MDN1: variants seen among roughly 807,000 people sequenced by gnomAD.
MDN1 encodes midasin.
Under a neutral mutation model 669.2 loss-of-function variants are expected in MDN1, and 266 were observed. The observed-to-expected ratio is 0.40, with a 90% CI of 0.36 to 0.44. MDN1 has a LOEUF of 0.44. MDN1 is among the 20% of genes least tolerant of loss of function. The pLI, the probability that MDN1 is intolerant of heterozygous loss-of-function variation, is 1.00. For synonymous variants in MDN1, 2,385 were observed against 2,457.1 expected (o/e 0.97, Z 0.87); for missense variants, 5,940 against 6,754.0 (o/e 0.88, Z 4.22).
intron 50 of MDN1, among the ~76,000 whole-genome samples, chr6:89,709,420 T>A (rs1018447792): frequency 6.6e-6 from 1 of 152,320 alleles, no homozygotes; most frequent in Admixed American, 6.5e-5. Context: ...TTGGAGCTAA[T>A]GTGTTCCAAC....
In MDN1 at chr6:89,698,952, T is replaced by C. The variant is rs768265408; in HGVS notation, c.9081A>G (p.Thr3027=). 1 of 1,614,180 alleles carries C rather than the reference T, an allele frequency of 6.2e-7. No individual in the cohort carries two copies. The highest frequency in any genetic ancestry group is 8.5e-7 in the Non-Finnish European group (1 of 1,180,010). ...TCCACATTAGCCAGTACTCTGGATTTGTGGTCACAGTACTGCTCCAGAAAG... is the reference window on the plus strand; with the variant it reads ...TCCACATTAGCCAGTACTCTGGATTCGTGGTCACAGTACTGCTCCAGAAAG... ...FMSFWSSTVT[T]NPEYWLMWNP... Residue 3027 remains threonine, a synonymous_variant, in exon 59 of 102, where the codon ACA becomes ACG. Coordinates refer to ENST00000369393, the MANE Select transcript of MDN1 (RefSeq NM_014611.3).
In MDN1 at chr6:89,699,020, T is replaced by C; in HGVS notation, c.9013A>G (p.Ile3005Val). 1 of 1,612,990 alleles carries C rather than the reference T, an allele frequency of 6.2e-7. No homozygotes were observed. Among genetic ancestry groups the C allele is most frequent in the Admixed American group, 1.7e-5 (1 of 59,952 alleles). ...AATAACTCGGACCACAAAGATGTAA[T>C]TTCTTCAGGAGACACCTAGAAATAA... is the stretch of plus-strand genomic sequence containing the variant. ...LHHQKVSPEE[I>V]TSLWSELFNS... The change falls in exon 59 of 102, where the codon ATT becomes GTT. Residue 3005 changes from isoleucine (I) to valine (V), a missense_variant. Physicochemically the swap from Ile to Val is conservative, Grantham distance 29. Coordinates refer to ENST00000369393, the MANE Select transcript of MDN1 (RefSeq NM_014611.3).
At chr6:89,677,114 CAG>C (rs1811250998) in intron 76 of MDN1, among the ~76,000 whole-genome samples, 1 of 148,788 alleles carries the variant, frequency 6.7e-6, no homozygotes, top group African/African-American at 2.5e-5. Context: ...TTTTTTTTGA[CAG>C]AGTCTTACTT....
intron 82 of MDN1, 46 bp from the exon 83 acceptor site, chr6:89,671,126 G>T: frequency 6.3e-7 from 1 of 1,582,668 alleles, no homozygotes; most frequent in South Asian, 1.1e-5. Context: ...TGCTTGGCAG[G>T]TACCAGGTTT....
At chr6:89,764,915 G>C (rs564308776) in intron 15 of MDN1, among the ~76,000 whole-genome samples, 2 of 152,192 alleles carry the variant, frequency 1.3e-5, no homozygotes, top group Non-Finnish European at 2.9e-5. Context: ...CTGAGGAAGA[G>C]AGTGAGACCA....
chr6:89,681,686 T>A (rs1811622985), intron 73 of MDN1, among the ~76,000 whole-genome samples: 1 of 152,240 alleles, frequency 6.6e-6, no homozygotes, highest in Non-Finnish European at 1.5e-5. Flanking sequence ...AGCCATCTTA[T>A]GGCTGTATGC....
chr6:89,809,215 C>CAAAA (rs1167270500), intron 1 of MDN1, among the ~76,000 whole-genome samples: 69 of 59,136 alleles, frequency 1.2e-3, no homozygotes, highest in Non-Finnish European at 1.4e-3. Context: ...GACACTGTCT[C>CAAAA]AAAAAAAAAA....
chr6:89,740,462 A>G (rs1184583973), intron 31 of MDN1, 84 bp from the exon 32 acceptor site: 2 of 1,316,898 alleles, frequency 1.5e-6, no homozygotes, highest in African/African-American at 1.6e-5. Context: ...AAAGAAAAAA[A>G]AAAGTTATCT....
chr6:89,677,463 A>G, intron 76 of MDN1, 107 bp downstream of exon 76: 1 of 1,392,608 alleles, frequency 7.2e-7, no homozygotes, highest in Admixed American at 2.0e-5. Context: ...TGGTAGCCAC[A>G]GTGGTATTGC....
intron 15 of MDN1, among the ~76,000 whole-genome samples, chr6:89,763,815 C>T (rs969262629): frequency 3.3e-5 from 5 of 152,076 alleles, no homozygotes; most frequent in Admixed American, 3.3e-4. Context: ...ATCTGAGAGT[C>T]CAGTTCCAAA....
chr6:89,712,571 T>C lies in MDN1; in HGVS notation c.7430+4A>G. On this transcript the variant is annotated splice_donor_region_variant and intron_variant, in intron 48 of 101. Coordinates refer to ENST00000369393, the MANE Select transcript of MDN1 (RefSeq NM_014611.3). Reference sequence around the variant, plus strand: ...CAGAGACACAAGCTGAAGGCTCCACTGACCTTGTCCAGCTGCTGGTTTTCA... The same window carrying C: ...CAGAGACACAAGCTGAAGGCTCCACCGACCTTGTCCAGCTGCTGGTTTTCA... 3 of 1,613,322 alleles carry C rather than the reference T, an allele frequency of 1.9e-6. No homozygotes were observed. The highest frequency in any genetic ancestry group is 2.5e-6 in the Non-Finnish European group (3 of 1,179,438).
At chr6:89,788,527 T>C (rs1819086839) in intron 7 of MDN1, among the ~76,000 whole-genome samples, 2 of 152,112 alleles carry the variant, frequency 1.3e-5, no homozygotes, top group South Asian at 4.1e-4. Context: ...TTCTGTTATG[T>C]GTAGGGTAGA....
chr6:89,712,487 C>A (rs1190142819), intron 48 of MDN1, 88 bp downstream of exon 48: 2 of 1,310,848 alleles, frequency 1.5e-6, no homozygotes, highest in Non-Finnish European at 2.2e-6. Flanking sequence ...ACAGAATGCT[C>A]CAGTTAAATA....
intron 83 of MDN1, among the ~76,000 whole-genome samples, chr6:89,668,631 G>C (rs1197867823): frequency 6.6e-6 from 1 of 152,164 alleles, no homozygotes; most frequent in Admixed American, 6.5e-5. Flanking sequence ...CTCTCAATCA[G>C]AAAGTTTAAT....
chr6:89,806,632 G>A (rs531166961), intron 1 of MDN1, among the ~76,000 whole-genome samples: 30 of 152,170 alleles, frequency 2.0e-4, no homozygotes, highest in Non-Finnish European at 3.8e-4. Context: ...GCAGGAAAAC[G>A]GCTTGAACCC....
At chr6:89,696,921 G>A (rs1010861466) in intron 59 of MDN1, among the ~76,000 whole-genome samples, 2 of 152,136 alleles carry the variant, frequency 1.3e-5, no homozygotes, top group African/African-American at 2.4e-5. Context: ...TAAGAGCCAG[G>A]GACAAAATAT....
Position 89,756,356 on chromosome 6 carries a change from T to G in MDN1, c.2737A>C (p.Lys913Gln). The change falls in exon 20 of 102, where the codon AAA becomes CAA. Residue 913 changes from lysine to glutamine, a missense_variant. Coordinates refer to ENST00000369393, the MANE Select transcript of MDN1 (RefSeq NM_014611.3). ...ACAATAAGAACCTGTAAGTCTTCTT[T>G]GCTTTCTAATTCTTCTACATAAAGT... Reference protein sequence around the residue: ...TELYVEELESKEDLQVLIVDY... With the variant: ...TELYVEELESQEDLQVLIVDY... 1 of 1,598,158 alleles carries G rather than the reference T, an allele frequency of 6.3e-7. No individual in the cohort carries two copies. Among genetic ancestry groups the G allele is most frequent in the Non-Finnish European group, 8.5e-7 (1 of 1,170,574 alleles).
chr6:89,769,010 T>C (rs1817950570), intron 15 of MDN1, among the ~76,000 whole-genome samples: 1 of 151,878 alleles, frequency 6.6e-6, no homozygotes, highest in Non-Finnish European at 1.5e-5. Flanking sequence ...GTCATGTTTA[T>C]GCCGCTGCAC....
intron 9 of MDN1, among the ~76,000 whole-genome samples, chr6:89,783,564 G>A (rs1043419327): frequency 1.3e-5 from 2 of 152,144 alleles, no homozygotes; most frequent in Admixed American, 1.3e-4. Context: ...CTTTTGCCTT[G>A]TGATCTTTGA....
Sources: allele counts gnomAD v4.1 joint callset (sites outside exome capture counted in the v4.1 genomes callset), GRCh38; gene constraint gnomAD v4.1.1; transcripts MANE v1.5; gene names NCBI Gene and HGNC (gene_info 2026-07-23, HGNC 2026-07-21).